The following SGIP1 variants were observed in gnomAD, a reference collection of about 807,000 sequenced individuals.
SGIP1 encodes SH3-containing GRB2-like protein 3-interacting protein 1.
A neutral mutation model predicts 107.5 loss-of-function variants in SGIP1; 38 were observed. The ratio of observed to expected loss-of-function variants is 0.35; its 90% confidence interval spans 0.27 to 0.46. The LOEUF is 0.46. Ranked by LOEUF, SGIP1 falls within the 20% of genes least tolerant of loss-of-function variation. SGIP1 has a pLI of 1.00. For synonymous variants in SGIP1, 365 were observed against 366.1 expected (o/e 1.00, Z 0.03); for missense variants, 929 against 1,019.5 (o/e 0.91, Z 1.21).
intron 14 of SGIP1, among the ~76,000 whole-genome samples, chr1:66,681,258 T>C (rs1210068436): frequency 1.3e-5 from 2 of 152,202 alleles, no homozygotes; most frequent in African/African-American, 4.8e-5. Context: ...GATACCTTCT[T>C]AATCTTTGTA....
At chr1:66,615,497 T>C (rs2069050896) in intron 1 of SGIP1, among the ~76,000 whole-genome samples, 1 of 152,200 alleles carries the variant, frequency 6.6e-6, no homozygotes, top group Admixed American at 6.5e-5. Flanking sequence ...ATACATGTAG[T>C]AAGAATTTAT....
At chr1:66,633,999 T>C in intron 3 of SGIP1, 1 of 1,296,170 alleles carries the variant, frequency 7.7e-7, no homozygotes, top group Non-Finnish European at 1.1e-6. Context: ...TGCCTTCATG[T>C]GGTTCTTACC....
chr1:66,641,076 A>G (rs1412913571), intron 5 of SGIP1, among the ~76,000 whole-genome samples: 23 of 152,096 alleles, frequency 1.5e-4, no homozygotes, highest in Admixed American at 1.2e-3. Context: ...GTAGAAAAGT[A>G]GTCAGCAGGG....
intron 7 of SGIP1, 111 bp from the exon 8 acceptor site, chr1:66,660,402 G>A (rs1015507694): frequency 1.2e-5 from 12 of 996,632 alleles, no homozygotes; most frequent in Middle Eastern, 2.1e-4. Context: ...CAGTGCCTTC[G>A]AGAGCTCCCT....
intron 7 of SGIP1, among the ~76,000 whole-genome samples, chr1:66,654,809 T>C (rs2079427581): frequency 1.3e-5 from 2 of 152,170 alleles, no homozygotes; most frequent in South Asian, 4.1e-4. Context: ...TAGCTTGAAA[T>C]AGCAGCCAGC....
intron 18 of SGIP1, among the ~76,000 whole-genome samples, chr1:66,717,254 T>G (rs963829592): frequency 6.6e-6 from 1 of 152,152 alleles, no homozygotes; most frequent in African/African-American, 2.4e-5. Context: ...GCCTCAACAG[T>G]TAGAGAAGCC....
At chr1:66,563,908 A>C (rs1234126997) in intron 1 of SGIP1, among the ~76,000 whole-genome samples, 1 of 151,998 alleles carries the variant, frequency 6.6e-6, no homozygotes, top group Non-Finnish European at 1.5e-5. Flanking sequence ...TGTTAGGGGC[A>C]AATTGTAACG....
At chr1:66,565,721 G>A (rs2059547382) in intron 1 of SGIP1, among the ~76,000 whole-genome samples, 1 of 152,024 alleles carries the variant, frequency 6.6e-6, no homozygotes, top group Non-Finnish European at 1.5e-5. Flanking sequence ...GCTCCTCTAA[G>A]TTAAATAAAT....
At position 66,643,645 on chromosome 1, in the gene SGIP1, A is replaced by G; in HGVS notation, c.385A>G (p.Ile129Val). Residue 129 changes from isoleucine (I) to valine (V), a missense_variant, in exon 7 of 25, where the codon ATT becomes GTT. Transcript: ENST00000371037. Reference sequence around the variant, plus strand: ...GATTAAACCATTGCAATCTAAAGACATTCTTAAGAATGCTGCAACTGTAGA... The same window carrying G: ...GATTAAACCATTGCAATCTAAAGACGTTCTTAAGAATGCTGCAACTGTAGA... The part of the protein sequence containing the change: ...IKIKPLQSKD[I>V]LKNAATVDEL... 1 of 1,611,510 alleles carries G rather than the reference A, an allele frequency of 6.2e-7. No individual in the cohort carries two copies. The highest frequency in any genetic ancestry group is 8.5e-7 in the Non-Finnish European group (1 of 1,179,022).
At chr1:66,734,428 C>G (rs1453372623) in intron 21 of SGIP1, among the ~76,000 whole-genome samples, 2 of 151,718 alleles carry the variant, frequency 1.3e-5, no homozygotes, top group Non-Finnish European at 2.9e-5. Flanking sequence ...ACTAAATAAG[C>G]CTAATTCATA....
rs562352705 is a variant in SGIP1 at position 66,660,582 on chromosome 1, A to G, written c.471+58A>G. ...AACATTATTTATTCTGTTTATTTTC[A>G]TTATCTGCATATCTAATGACTGACT... On this transcript the variant is annotated intron_variant, in intron 8 of 24. Transcript: ENST00000371037. The G allele has an allele frequency of 1.0e-4, 152 of 1,448,550 alleles. 1 individual carries two copies. In the East Asian group the frequency reaches 3.3e-3, roughly 31 times the overall value. The allele number at this position is 1,448,550 out of a possible 1,614,324, so 89.7% of individuals were successfully genotyped here. A position where few individuals can be genotyped will look rare whatever the true frequency, so the allele number is the denominator to read the frequency against.
At chr1:66,573,442 G>A (rs2060650214) in intron 1 of SGIP1, among the ~76,000 whole-genome samples, 1 of 151,970 alleles carries the variant, frequency 6.6e-6, no homozygotes, top group African/African-American at 2.4e-5. Context: ...TATTCTATCA[G>A]AACGACACAT....
intron 1 of SGIP1, among the ~76,000 whole-genome samples, chr1:66,585,745 C>T (rs2062517793): frequency 6.6e-6 from 1 of 151,988 alleles, no homozygotes; most frequent in African/African-American, 2.4e-5. Context: ...CCACCTTGGC[C>T]TCCCAAAGTG....
At chr1:66,708,426 T>G (rs1326765436) in intron 18 of SGIP1, among the ~76,000 whole-genome samples, 1 of 152,178 alleles carries the variant, frequency 6.6e-6, no homozygotes, top group African/African-American at 2.4e-5. Context: ...GTATGAGTCT[T>G]CATACTAAGA....
intron 1 of SGIP1, among the ~76,000 whole-genome samples, chr1:66,546,799 C>A (rs1268464407): frequency 6.6e-6 from 1 of 152,156 alleles, no homozygotes; most frequent in Non-Finnish European, 1.5e-5. Flanking sequence ...ATTCTAATAT[C>A]TCCTGGCACC....
In SGIP1 at chr1:66,748,810, C is replaced by G. The variant is rs1032684539; in HGVS notation, c.*5715C>G. Among the ~76,000 whole-genome samples, 4 of 151,826 alleles carry G rather than the reference C, an allele frequency of 2.6e-5. No homozygotes were observed. The highest frequency in any genetic ancestry group is 9.7e-5 in the African/African-American group (4 of 41,378). On this transcript the variant is annotated 3_prime_UTR_variant, in exon 25 of 25. Coordinates refer to ENST00000371037, the MANE Select transcript of SGIP1 (RefSeq NM_032291.4). Reference sequence around the variant, plus strand: ...CATTGTGGTCTGAGAACAAATGGTCCTATACTATAATTCTCTCTCCTTGGA... The same window carrying G: ...CATTGTGGTCTGAGAACAAATGGTCGTATACTATAATTCTCTCTCCTTGGA...
At chr1:66,552,598 A>G (rs1030025300) in intron 1 of SGIP1, among the ~76,000 whole-genome samples, 2 of 152,060 alleles carry the variant, frequency 1.3e-5, no homozygotes, top group African/African-American at 4.8e-5. Context: ...CCTTAACCCA[A>G]TTTCACTTAC....
chr1:66,649,576 C>T (rs1014917413), intron 7 of SGIP1, among the ~76,000 whole-genome samples: 4 of 152,166 alleles, frequency 2.6e-5, no homozygotes, highest in African/African-American at 9.6e-5. Context: ...GTTTGCTTGC[C>T]TTTACACCAC....
chr1:66,575,847 T>C (rs1030697483), intron 1 of SGIP1, among the ~76,000 whole-genome samples: 6 of 152,188 alleles, frequency 3.9e-5, no homozygotes, highest in African/African-American at 1.4e-4. Context: ...GTCATTTGAG[T>C]GTCTTGGAAA....
Sources: allele counts gnomAD v4.1 joint callset (sites outside exome capture counted in the v4.1 genomes callset), GRCh38; gene constraint gnomAD v4.1.1; transcripts MANE v1.5; gene names NCBI Gene and HGNC (gene_info 2026-07-23, HGNC 2026-07-21).